Variants in MYT1L observed in about 807,000 individuals in gnomAD.
MYT1L encodes the protein myelin transcription factor 1-like protein.
A neutral mutation model predicts 126.7 loss-of-function variants in MYT1L; 12 were observed. The ratio of observed to expected loss-of-function variants is 0.09; its 90% confidence interval spans 0.06 to 0.15. The LOEUF is 0.15. Ranked by LOEUF, MYT1L falls within the 10% of genes least tolerant of loss-of-function variation. The pLI is 1.00. For missense variants in MYT1L, 979 were observed against 1,585.2 expected (o/e 0.62, Z 6.49); for synonymous variants, 541 against 604.2 (o/e 0.90, Z 1.53).
intron 4 of MYT1L, among the ~76,000 whole-genome samples, chr2:2,026,423 A>C (rs919015296): frequency 3.9e-4 from 60 of 152,154 alleles, no homozygotes; most frequent in African/African-American, 1.3e-3. Flanking sequence ...GCAGCCCTGC[A>C]GGGATTCTAG....
intron 3 of MYT1L, among the ~76,000 whole-genome samples, chr2:2,158,871 G>A (rs1418251639): frequency 6.6e-6 from 1 of 151,328 alleles, no homozygotes. Context: ...AAGGGGTGAT[G>A]GGGTGGGGTG....
At chr2:1,850,615 C>CA (rs776836977) in intron 19 of MYT1L, among the ~76,000 whole-genome samples, 15 of 152,168 alleles carry the variant, frequency 9.9e-5, no homozygotes, top group Non-Finnish European at 2.1e-4. Flanking sequence ...TACTAGAATG[C>CA]ACCCGACCTT....
intron 1 of MYT1L, among the ~76,000 whole-genome samples, chr2:2,330,517 T>G (rs1475889271): frequency 6.6e-6 from 1 of 152,206 alleles, no homozygotes; most frequent in Non-Finnish European, 1.5e-5. Context: ...TTATTTGAGT[T>G]TCTCCACTTA....
intron 8 of MYT1L, among the ~76,000 whole-genome samples, chr2:1,965,741 G>T (rs1401321800): frequency 3.3e-5 from 5 of 152,240 alleles, no homozygotes; most frequent in Non-Finnish European, 7.3e-5. Flanking sequence ...ACGAATGCAT[G>T]TGGGCACCGC....
intron 4 of MYT1L, among the ~76,000 whole-genome samples, chr2:2,023,970 T>C (rs922151352): frequency 8.5e-5 from 13 of 152,142 alleles, no homozygotes; most frequent in African/African-American, 3.1e-4. Context: ...TAGGGCAGAA[T>C]TACTTTGCCA....
Position 1,910,794 on chromosome 2 carries a change from C to T in MYT1L, c.1710-447G>A, listed in dbSNP as rs1339905221. Among the ~76,000 whole-genome samples, 2 of 152,094 alleles carry T rather than the reference C, an allele frequency of 1.3e-5. No individual in the cohort carries two copies. The highest frequency in any genetic ancestry group is 6.5e-5 in the Admixed American group (1 of 15,270). On this transcript the variant is annotated intron_variant, in intron 12 of 24. Coordinates refer to ENST00000647738, the MANE Select transcript of MYT1L (RefSeq NM_001303052.2). This position sits in a 1 kb window ranked among gnomAD's most constrained non-coding sequence, Gnocchi z 4.8. Reference sequence around the variant, plus strand: ...ATTTCCTAAATGCTATTGACTGTGGCGTCTGGGGGGCCTGTCTGACTTTAG... The same window carrying T: ...ATTTCCTAAATGCTATTGACTGTGGTGTCTGGGGGGCCTGTCTGACTTTAG...
chr2:2,211,803 CAAA>C (rs35770675), intron 2 of MYT1L, among the ~76,000 whole-genome samples: 1 of 59,736 alleles, frequency 1.7e-5, no homozygotes, highest in Non-Finnish European at 3.4e-5. Context: ...GACTCCATGT[CAAA>C]AAAAAAAAAA....
intron 1 of MYT1L, chr2:2,319,187 A>G (rs570660672): frequency 1.4e-4 from 22 of 152,322 alleles, no homozygotes; most frequent in African/African-American, 4.6e-4. Flanking sequence ...AGACAAGTGA[A>G]TATGACACAG....
chr2:2,014,016 C>G lies in MYT1L; in HGVS notation c.-157-16669G>C, dbSNP rs540554180. On this transcript the variant is annotated intron_variant, in intron 4 of 24. Coordinates refer to ENST00000647738, the MANE Select transcript of MYT1L (RefSeq NM_001303052.2). ...TCATATGACCAGAAATGTGGATGCC[C>G]ATGCCTTTTCCTATGCAGCCAATTT... Among the ~76,000 whole-genome samples, 15 of 152,328 alleles carry G rather than the reference C, an allele frequency of 9.8e-5. No homozygotes were observed. In the South Asian group the frequency reaches 2.9e-3, roughly 30 times the overall value.
At chr2:1,964,836 A>T (rs2149403774) in intron 8 of MYT1L, among the ~76,000 whole-genome samples, 1 of 152,278 alleles carries the variant, frequency 6.6e-6, no homozygotes, top group African/African-American at 2.4e-5. Flanking sequence ...AGGCTTCCAG[A>T]GGCAGGTCTG....
At chr2:2,295,755 C>CAGACAGACAGAGAGAGAGATAGAG (rs1559586072) in intron 1 of MYT1L, among the ~76,000 whole-genome samples, 1 of 18,914 alleles carries the variant, frequency 5.3e-5, no homozygotes, top group African/African-American at 1.6e-4. Flanking sequence ...GAGAGAGAGA[C>CAGACAGACAGAGAGAGAGATAGAG]AGACAGACAG....
chr2:2,069,684 A>T (rs1372487275), intron 3 of MYT1L, among the ~76,000 whole-genome samples: 1 of 152,008 alleles, frequency 6.6e-6, no homozygotes, highest in Non-Finnish European at 1.5e-5. Context: ...TTACACTCCC[A>T]TCAACAGTGT....
intron 1 of MYT1L, among the ~76,000 whole-genome samples, chr2:2,316,145 C>T (rs1047378378): frequency 3.3e-5 from 5 of 152,174 alleles, no homozygotes; most frequent in Admixed American, 6.5e-5. Context: ...GAGACCACTG[C>T]CCAACCTCAA....
chr2:2,149,688 A>C (rs2085437933), intron 3 of MYT1L, among the ~76,000 whole-genome samples: 1 of 152,180 alleles, frequency 6.6e-6, no homozygotes, highest in Non-Finnish European at 1.5e-5. Context: ...TTCTGCTGAG[A>C]ACGCATTGTT....
chr2:2,056,955 G>A (rs1392233153), intron 3 of MYT1L, among the ~76,000 whole-genome samples: 1 of 152,044 alleles, frequency 6.6e-6, no homozygotes, highest in Non-Finnish European at 1.5e-5. Flanking sequence ...AAACTGTTTT[G>A]AGGTAACTGT....
chr2:1,975,968 C>T (rs2060145961), intron 8 of MYT1L, among the ~76,000 whole-genome samples: 1 of 152,110 alleles, frequency 6.6e-6, no homozygotes, highest in African/African-American at 2.4e-5. Flanking sequence ...ACATCTACCT[C>T]AAGTTGTTTT....
chr2:2,272,891 G>A (rs181556010), intron 2 of MYT1L, among the ~76,000 whole-genome samples: 67 of 152,174 alleles, frequency 4.4e-4, no homozygotes, highest in African/African-American at 1.3e-3. Flanking sequence ...CCTCCAGGGC[G>A]TCCAGGTGTC....
chr2:1,979,087 A>T lies in MYT1L; in HGVS notation c.152+78T>A. The T allele has an allele frequency of 8.6e-7, 1 of 1,158,782 alleles. No individual in the cohort carries two copies. Among genetic ancestry groups the T allele is most frequent in the Non-Finnish European group, 1.3e-6 (1 of 787,034 alleles). 71.8% of individuals were successfully genotyped at this position (1,158,782 alleles called of 1,614,324 possible). On this transcript the variant is annotated intron_variant, in intron 8 of 24. Coordinates refer to ENST00000647738, the MANE Select transcript of MYT1L (RefSeq NM_001303052.2). The surrounding 1 kb of genome is among the most constrained non-coding windows in gnomAD (Gnocchi z 4.0). ...TTGCTTTCCAAGAACACCTGCTCACACAGTTCATCATCAGGACTGGGTCCC... is the reference window on the plus strand; with the variant it reads ...TTGCTTTCCAAGAACACCTGCTCACTCAGTTCATCATCAGGACTGGGTCCC...
chr2:2,008,212 C>T (rs1024155796), intron 4 of MYT1L, among the ~76,000 whole-genome samples: 1 of 152,208 alleles, frequency 6.6e-6, no homozygotes, highest in Non-Finnish European at 1.5e-5. Context: ...CCTGCCTAGG[C>T]GCCCCACACT....
Sources: gnomAD v4.1 joint callset for allele counts (sites outside exome capture counted in the v4.1 genomes callset) on GRCh38, gnomAD v4.1.1 for gene constraint, Gnocchi (gnomAD v3.1) non-coding constraint, MANE v1.5 for transcripts, NCBI Gene and HGNC (gene_info 2026-07-23, HGNC 2026-07-21) for gene names.